The following EVC2 variants were observed in gnomAD, a reference collection of about 807,000 sequenced individuals.
The protein encoded by EVC2 is limbin.
Under a neutral mutation model 149.3 loss-of-function variants are expected in EVC2, and 148 were observed. The ratio of observed to expected loss-of-function variants is 0.99; its 90% CI spans 0.87 to 1.14. The LOEUF (loss-of-function observed/expected upper bound fraction) is 1.14. Among genes scored for constraint, EVC2 ranks in the 50% most tolerant of loss-of-function variants. EVC2 has a pLI of 0.00. For synonymous variants in EVC2, 776 were observed against 649.9 expected (o/e 1.19, Z -2.95); for missense variants, 1,854 against 1,627.3 (o/e 1.14, Z -2.40).
intron 16 of EVC2, among the ~76,000 whole-genome samples, chr4:5,605,650 T>A (rs1714334708): frequency 6.6e-6 from 1 of 152,236 alleles, no homozygotes; most frequent in African/African-American, 2.4e-5. Context: ...AGGCACATTA[T>A]CTGTCCTGCC....
intron 1 of EVC2, among the ~76,000 whole-genome samples, chr4:5,702,256 C>G (rs114061060): frequency 0.016 from 2,377 of 152,234 alleles, 59 homozygotes; most frequent in African/African-American, 0.054. Context: ...TCTCTCAGAC[C>G]ACTCTGCCCA....
intron 4 of EVC2, 108 bp downstream of exon 4, chr4:5,691,157 T>C: frequency 1.0e-6 from 1 of 962,140 alleles, no homozygotes; most frequent in East Asian, 2.4e-5. Flanking sequence ...TAGACTTGTG[T>C]AGGTAAGCCC....
chr4:5,637,270 G>A lies in EVC2; in HGVS notation c.1470+3244C>T, dbSNP rs981578082. On this transcript the variant is annotated intron_variant, in intron 10 of 21. Transcript: ENST00000344408. This position sits in a 1 kb window ranked among gnomAD's most constrained non-coding sequence, Gnocchi z 4.4. ...CCCACAGGACGGGTTCACATGGGGC[G>A]CACAGCAGGGGGACGTAACCTCCAC... 6.6e-6 allele frequency among the ~76,000 whole-genome samples: 1 copy of A among 152,210 alleles called. No homozygotes were observed. Among genetic ancestry groups the A allele is most frequent in the African/African-American group, 2.4e-5 (1 of 41,456 alleles).
chr4:5,655,782 AGAGGGAGG>A (rs141064066), intron 9 of EVC2, among the ~76,000 whole-genome samples: 2 of 109,468 alleles, frequency 1.8e-5, no homozygotes, highest in Admixed American at 1.2e-4. Flanking sequence ...AGGGAAGAAG[AGAGGGAGG>A]GAGGGAGGGA....
intron 3 of EVC2, among the ~76,000 whole-genome samples, chr4:5,692,522 T>G (rs1721183248): frequency 6.6e-6 from 1 of 152,194 alleles, no homozygotes; most frequent in African/African-American, 2.4e-5. Flanking sequence ...TCCTGTGATC[T>G]TTCCACAACA....
rs765933739 is a variant in EVC2 at position 5,628,593 on chromosome 4, C to T, written c.1852G>A (p.Ala618Thr). Residue 618 changes from alanine to threonine, a missense_variant, in exon 12 of 22, where the codon GCC (alanine) becomes ACC (threonine). Coordinates refer to ENST00000344408, the MANE Select transcript of EVC2 (RefSeq NM_147127.5). ...TTCTGAATGAGGTGAGTCAGCTGGG[C>T]TGCAGCGGTGCTCAGAAGGCCCTGC... The part of the protein sequence containing the change: ...RVQGLLSTAA[A>T]QLTHLIQKHE... 3.7e-6 allele frequency: 6 copies of T among 1,613,968 alleles called. No individual in the cohort carries two copies. In the East Asian group the frequency reaches 1.1e-4, roughly 30 times the overall value.
At position 5,692,239 on chromosome 4, in the gene EVC2, G is replaced by C. The variant is rs1207906958; in HGVS notation, c.451-906C>G. ...GATGGGGCCTTGCTATGTTTCCCAG[G>C]CTGGCCTTGGACTCCTGGCCTCAAG... On this transcript the variant is annotated intron_variant, in intron 3 of 21. Transcript: ENST00000344408. 1.3e-5 allele frequency among the ~76,000 whole-genome samples: 2 copies of C among 152,016 alleles called. 1 individual carries two copies. The highest frequency in any genetic ancestry group is 2.9e-5 in the Non-Finnish European group (2 of 68,008).
At chr4:5,602,852 T>C (rs1433066275) in intron 16 of EVC2, among the ~76,000 whole-genome samples, 1 of 152,030 alleles carries the variant, frequency 6.6e-6, no homozygotes, top group African/African-American at 2.4e-5. Flanking sequence ...ATTACAGAAA[T>C]CAAGAAGTAG....
chr4:5,620,990 G>T (rs1047428702), intron 14 of EVC2, among the ~76,000 whole-genome samples: 1 of 152,148 alleles, frequency 6.6e-6, no homozygotes, highest in Non-Finnish European at 1.5e-5. Flanking sequence ...AGAGAAGACA[G>T]AATCTTGTTT....
rs751796236 is a variant in EVC2 at position 5,697,568 on chromosome 4, A to T, written c.283+25T>A. On this transcript the variant is annotated intron_variant, in intron 2 of 21. Transcript: ENST00000344408. The stretch of plus-strand genomic sequence containing the variant: ...TGGTTTTTCATGCTCAAAACAGGGG[A>T]ACATCAACCAGAAGAAAAACTCACC... The T allele has an allele frequency of 1.9e-6, 3 of 1,613,648 alleles. No homozygotes were observed. The South Asian group carries it at 3.3e-5, about 18-fold the overall frequency.
At chr4:5,540,299 C>T (rs1488030799), downstream of EVC2, among the ~76,000 whole-genome samples, 1 of 152,302 alleles carries the variant, frequency 6.6e-6, no homozygotes, top group East Asian at 1.9e-4. Context: ...TTAGTATACA[C>T]CTGTCATATG....
intron 7 of EVC2, among the ~76,000 whole-genome samples, chr4:5,680,040 T>C (rs1337199853): frequency 1.3e-5 from 2 of 152,182 alleles, no homozygotes; most frequent in Non-Finnish European, 2.9e-5. Context: ...ATCATCAATA[T>C]CACTGCCTTC....
intron 16 of EVC2, among the ~76,000 whole-genome samples, chr4:5,593,784 A>G (rs1713078877): frequency 6.6e-6 from 1 of 152,180 alleles, no homozygotes; most frequent in South Asian, 2.1e-4. Context: ...TCACTCGGGA[A>G]GCACAAGGGG....
intron 21 of EVC2, among the ~76,000 whole-genome samples, chr4:5,546,932 C>T (rs903122690): frequency 6.6e-6 from 1 of 152,118 alleles, no homozygotes; most frequent in African/African-American, 2.4e-5. Context: ...CCTGGTGCAG[C>T]CACAGCTGCC....
At chr4:5,705,482 G>A (rs1722072101) in intron 1 of EVC2, among the ~76,000 whole-genome samples, 1 of 152,070 alleles carries the variant, frequency 6.6e-6, no homozygotes, top group Non-Finnish European at 1.5e-5. Context: ...ATTTTAAAGT[G>A]TCTAGTAATT....
At chr4:5,630,753 T>TG (rs1716473063) in intron 11 of EVC2, among the ~76,000 whole-genome samples, 1 of 152,158 alleles carries the variant, frequency 6.6e-6, no homozygotes, top group Non-Finnish European at 1.5e-5. Flanking sequence ...AAGGTACCCT[T>TG]GCTGCTTGAG....
At chr4:5,619,849 C>T (rs192283729) in intron 14 of EVC2, among the ~76,000 whole-genome samples, 11 of 152,252 alleles carry the variant, frequency 7.2e-5, no homozygotes, top group Admixed American at 4.6e-4. Flanking sequence ...CAGAATTATT[C>T]GTTGAACAAA....
chr4:5,599,764 G>T (rs1220236872), intron 16 of EVC2, among the ~76,000 whole-genome samples: 1 of 152,090 alleles, frequency 6.6e-6, no homozygotes, highest in Non-Finnish European at 1.5e-5. Context: ...GGCTGGTCCT[G>T]TTAAAAATCA....
intron 19 of EVC2, among the ~76,000 whole-genome samples, 168 bp from the exon 20 acceptor site, chr4:5,568,808 T>C (rs1722473465): frequency 6.6e-6 from 1 of 152,128 alleles, no homozygotes; most frequent in Non-Finnish European, 1.5e-5. Flanking sequence ...AAAAAACCTA[T>C]TTGGTCAGCA....
Sources: gnomAD v4.1 joint callset for allele counts (sites outside exome capture counted in the v4.1 genomes callset) on GRCh38, gnomAD v4.1.1 for gene constraint, Gnocchi (gnomAD v3.1) non-coding constraint, MANE v1.5 for transcripts, NCBI Gene and HGNC (gene_info 2026-07-23, HGNC 2026-07-21) for gene names.